The following NBEAL1 variants were observed in gnomAD, a reference collection of about 807,000 sequenced individuals.
NBEAL1 encodes neurobeachin-like protein 1.
Under a neutral mutation model 351.3 loss-of-function variants are expected in NBEAL1, and 273 were observed. The ratio of observed to expected loss-of-function variants is 0.78; its 90% confidence interval spans 0.70 to 0.86. NBEAL1 has a LOEUF of 0.86. Ranked by LOEUF, NBEAL1 falls within the 40% of genes least tolerant of loss-of-function variation. NBEAL1 has a pLI of 0.00. For missense variants in NBEAL1, 2,961 were observed against 3,201.3 expected (o/e 0.92, Z 1.81); for synonymous variants, 1,050 against 1,086.4 (o/e 0.97, Z 0.66).
At chr2:203,038,931 C>T (rs2061082570) in intron 2 of NBEAL1, among the ~76,000 whole-genome samples, 1 of 149,038 alleles carries the variant, frequency 6.7e-6, no homozygotes, top group African/African-American at 2.4e-5. Context: ...TCTCTCACAT[C>T]AGCTTCCCAA....
At chr2:203,147,632 T>C (rs1017034625) in intron 33 of NBEAL1, among the ~76,000 whole-genome samples, 1 of 152,244 alleles carries the variant, frequency 6.6e-6, no homozygotes, top group East Asian at 1.9e-4. Flanking sequence ...ATTGTTCCTT[T>C]CTTAACTTAA....
At chr2:203,132,288 C>T (rs993407050) in intron 26 of NBEAL1, among the ~76,000 whole-genome samples, 156 bp downstream of exon 26, 1 of 152,100 alleles carries the variant, frequency 6.6e-6, no homozygotes, top group African/African-American at 2.4e-5. Flanking sequence ...TTGTTTTTGT[C>T]TCCCCGGGGC....
At chr2:203,020,050 TTGA>T (rs1339273101) in intron 2 of NBEAL1, among the ~76,000 whole-genome samples, 1 of 152,064 alleles carries the variant, frequency 6.6e-6, no homozygotes, top group Non-Finnish European at 1.5e-5. Flanking sequence ...ATAATTTTAA[TTGA>T]TAATAATTTA....
At chr2:203,133,503 C>T (rs895011698) in intron 27 of NBEAL1, among the ~76,000 whole-genome samples, 1 of 151,742 alleles carries the variant, frequency 6.6e-6, no homozygotes, top group Non-Finnish European at 1.5e-5. Context: ...AAATAATTTT[C>T]TATAATTTGT....
rs368469323 is a variant in NBEAL1 at position 203,114,580 on chromosome 2, A to G, written c.2506+1262A>G. 2.0e-5 allele frequency among the ~76,000 whole-genome samples: 3 copies of G among 152,318 alleles called. No homozygotes were observed. In the South Asian group the frequency reaches 6.2e-4, roughly 32 times the overall value. On this transcript the variant is annotated intron_variant, in intron 17 of 55. Transcript: ENST00000683969. Reference sequence around the variant, plus strand: ...CCTAACTACTTTCAAAATTATATGTATATTCTAACAGGATGTTCAGGAGTT... The same window carrying G: ...CCTAACTACTTTCAAAATTATATGTGTATTCTAACAGGATGTTCAGGAGTT...
intron 3 of NBEAL1, among the ~76,000 whole-genome samples, chr2:203,048,166 G>GA (rs2061260976): frequency 6.6e-6 from 1 of 151,966 alleles, no homozygotes; most frequent in Non-Finnish European, 1.5e-5. Context: ...GGTGGATCAC[G>GA]AGGTCAGGAG....
rs540055954 is a variant in NBEAL1 at position 203,057,446 on chromosome 2, A to G, written c.508A>G (p.Ile170Val). Residue 170 changes from isoleucine to valine, a missense_variant, in exon 6 of 56, where the codon ATT becomes GTT. By Grantham distance (29) the Ile-to-Val change is conservative. Coordinates refer to ENST00000683969, the MANE Select transcript of NBEAL1 (RefSeq NM_001378026.1). ...YDPYRNWRHR[I>V]SGRILSTVEK... Reference sequence around the variant, plus strand: ...TCCATATCGGAATTGGAGACATAGAATTTCAGGGTATGTCTTATAAATAAT... The same window carrying G: ...TCCATATCGGAATTGGAGACATAGAGTTTCAGGGTATGTCTTATAAATAAT... The G allele has an allele frequency of 4.0e-5, 62 of 1,549,012 alleles. No individual in the cohort carries two copies. The highest frequency in any genetic ancestry group is 5.2e-5 in the Non-Finnish European group (59 of 1,144,896).
intron 2 of NBEAL1, among the ~76,000 whole-genome samples, chr2:203,017,312 T>C (rs1426757812): frequency 6.6e-6 from 1 of 152,214 alleles, no homozygotes; most frequent in Non-Finnish European, 1.5e-5. Context: ...CATTATCCTT[T>C]CATGCTCCTT....
chr2:203,212,463 C>T (rs201221481), intron 54 of NBEAL1, among the ~76,000 whole-genome samples: 2 of 151,338 alleles, frequency 1.3e-5, no homozygotes, highest in Non-Finnish European at 2.9e-5. Context: ...AAAAATTAGC[C>T]GGGTGTGGTG....
At chr2:203,044,517 G>A (rs1298242035) in intron 3 of NBEAL1, among the ~76,000 whole-genome samples, 1 of 152,000 alleles carries the variant, frequency 6.6e-6, no homozygotes, top group Non-Finnish European at 1.5e-5. Context: ...CTTTTCTTGG[G>A]ACACTGTTTC....
At chr2:203,173,618 G>T (rs1387576909) in intron 41 of NBEAL1, among the ~76,000 whole-genome samples, 1 of 151,796 alleles carries the variant, frequency 6.6e-6, no homozygotes, top group Non-Finnish European at 1.5e-5. Context: ...TTTACCAGTG[G>T]AACTTTGCTG....
At chr2:203,167,631 G>C (rs2064177143) in intron 38 of NBEAL1, among the ~76,000 whole-genome samples, 1 of 152,146 alleles carries the variant, frequency 6.6e-6, no homozygotes, top group Admixed American at 6.5e-5. Flanking sequence ...TATACAATAT[G>C]TAAGCTATGA....
intron 6 of NBEAL1, 115 bp downstream of exon 6, chr2:203,057,568 G>C (rs1364627694): frequency 1.3e-6 from 1 of 777,088 alleles, no homozygotes; most frequent in Non-Finnish European, 2.0e-6. Flanking sequence ...AAGACCCACA[G>C]ATTTAACTCT....
At chr2:203,078,541 A>G (rs767289046) in intron 8 of NBEAL1, among the ~76,000 whole-genome samples, 7 of 152,152 alleles carry the variant, frequency 4.6e-5, no homozygotes, top group African/African-American at 4.8e-5. Flanking sequence ...AGGTTTTGCC[A>G]TATTGCCCAG....
intron 43 of NBEAL1, chr2:203,182,245 C>G (rs926767741): frequency 3.9e-5 from 6 of 152,170 alleles, no homozygotes; most frequent in African/African-American, 1.4e-4. Context: ...TCTGTATTTT[C>G]ACTCTGCCAT....
intron 18 of NBEAL1, among the ~76,000 whole-genome samples, chr2:203,118,690 C>T (rs1396975949): frequency 6.6e-6 from 1 of 151,476 alleles, no homozygotes; most frequent in African/African-American, 2.4e-5. Flanking sequence ...CTCCCAGGTT[C>T]AAGCGATTCT....
intron 36 of NBEAL1, among the ~76,000 whole-genome samples, chr2:203,160,319 G>A (rs1419403210): frequency 3.9e-5 from 6 of 152,226 alleles, no homozygotes; most frequent in Admixed American, 1.3e-4. Flanking sequence ...GACCTCAGGT[G>A]ATCCACCCGC....
chr2:203,111,899 A>G (rs1175435456), intron 15 of NBEAL1, 80 bp from the exon 16 acceptor site: 3 of 1,422,642 alleles, frequency 2.1e-6, no homozygotes, highest in Admixed American at 2.7e-5. Context: ...TACAAATTAT[A>G]GAGCAAACTT....
chr2:203,126,682 T>C lies in NBEAL1; in HGVS notation c.3111T>C (p.Arg1037=). Residue 1037 remains arginine, a synonymous_variant, in exon 22 of 56, where the codon CGT becomes CGC. Coordinates refer to ENST00000683969, the MANE Select transcript of NBEAL1 (RefSeq NM_001378026.1). ...QMYQYLLFDF[R]IWNRGDFPFR... is the part of the protein sequence containing the mutation. ...ATCAATATTTACTCTTTGACTTTCG[T>C]ATTTGGAACCGTGGAGATTTTCCCT... is the stretch of plus-strand genomic sequence containing the variant. The C allele has an allele frequency of 6.6e-7, 1 of 1,517,660 alleles. No individual in the cohort carries two copies. Among genetic ancestry groups the C allele is most frequent in the Non-Finnish European group, 8.8e-7 (1 of 1,133,082 alleles). The allele number at this position is 1,517,660 out of a possible 1,614,324, so 94.0% of individuals were successfully genotyped here. A position where few individuals can be genotyped will look rare whatever the true frequency, so the allele number is the denominator to read the frequency against.
Sources: allele counts gnomAD v4.1 joint callset (sites outside exome capture counted in the v4.1 genomes callset), GRCh38; gene constraint gnomAD v4.1.1; transcripts MANE v1.5; gene names NCBI Gene and HGNC (gene_info 2026-07-23, HGNC 2026-07-21).